Variants in PAQR8 observed in about 807,000 individuals in gnomAD.
The protein encoded by PAQR8 is membrane progestin receptor beta.
A neutral mutation model predicts 25.2 loss-of-function variants in PAQR8; 17 were observed. The ratio of observed to expected loss-of-function variants is 0.67; its 90% CI spans 0.46 to 1.01. The LOEUF (loss-of-function observed/expected upper bound fraction) is 1.01, where lower values mean the gene tolerates loss of function less well. Ranked by LOEUF, PAQR8 falls within the 50% of genes least tolerant of loss-of-function variation. PAQR8 has a pLI of 0.00. For missense variants in PAQR8, 392 were observed against 448.4 expected (o/e 0.87, Z 1.14); for synonymous variants, 204 against 190.6 (o/e 1.07, Z -0.58).
intron 1 of PAQR8, among the ~76,000 whole-genome samples, chr6:52,366,727 T>G (rs1310406713): frequency 1.3e-5 from 2 of 152,166 alleles, no homozygotes; most frequent in Non-Finnish European, 2.9e-5. Flanking sequence ...GGAAACAATA[T>G]ACATTGTGGC....
intron 1 of PAQR8, among the ~76,000 whole-genome samples, chr6:52,397,620 C>T (rs1040912684): frequency 6.6e-6 from 1 of 152,182 alleles, no homozygotes; most frequent in African/African-American, 2.4e-5. Flanking sequence ...ATAATCCTTG[C>T]TCTGAAAAAG....
At chr6:52,398,027 TTAA>T (rs1763786423) in intron 1 of PAQR8, among the ~76,000 whole-genome samples, 1 of 152,090 alleles carries the variant, frequency 6.6e-6, no homozygotes, top group South Asian at 2.1e-4. Flanking sequence ...GTTTCTGAAG[TTAA>T]TGATGATAAA....
intron 1 of PAQR8, among the ~76,000 whole-genome samples, chr6:52,366,565 G>A (rs1462095828): frequency 6.6e-6 from 1 of 152,154 alleles, no homozygotes; most frequent in Non-Finnish European, 1.5e-5. Flanking sequence ...GTACTCAGAG[G>A]CCATAAAAGG....
At chr6:52,397,146 A>G (rs544228356) in intron 1 of PAQR8, among the ~76,000 whole-genome samples, 39 of 152,282 alleles carry the variant, frequency 2.6e-4, no homozygotes, top group African/African-American at 7.9e-4. Flanking sequence ...CAGGAGAGAT[A>G]AGCATTAAAA....
chr6:52,366,518 G>T (rs1470179801), intron 1 of PAQR8, among the ~76,000 whole-genome samples: 1 of 152,154 alleles, frequency 6.6e-6, no homozygotes. Context: ...TCATATTTTT[G>T]AGGTGGATTA....
At chr6:52,365,590 T>C (rs1763342782) in intron 1 of PAQR8, among the ~76,000 whole-genome samples, 1 of 152,208 alleles carries the variant, frequency 6.6e-6, no homozygotes, top group African/African-American at 2.4e-5. Flanking sequence ...GATAGTCTTA[T>C]GTTAAAATTC....
intron 1 of PAQR8, among the ~76,000 whole-genome samples, chr6:52,394,699 A>C (rs1763746308): frequency 6.6e-6 from 1 of 152,184 alleles, no homozygotes. Flanking sequence ...GTGTAGGCTA[A>C]GAGTGGTTAC....
chr6:52,365,902 A>G (rs1487122899), intron 1 of PAQR8, among the ~76,000 whole-genome samples: 1 of 152,108 alleles, frequency 6.6e-6, no homozygotes, highest in East Asian at 1.9e-4. Context: ...TGGTGTGGTA[A>G]GGCAAATCTG....
chr6:52,368,978 C>T (rs962915824), intron 1 of PAQR8, among the ~76,000 whole-genome samples: 3 of 152,110 alleles, frequency 2.0e-5, no homozygotes, highest in African/African-American at 7.2e-5. Flanking sequence ...TTGCTTGGCA[C>T]TCATTCTCTC....
At chr6:52,365,395 G>A (rs1763340534) in intron 1 of PAQR8, among the ~76,000 whole-genome samples, 3 of 151,962 alleles carry the variant, frequency 2.0e-5, no homozygotes, top group Non-Finnish European at 4.4e-5. Context: ...TGTGGTTTGG[G>A]GCAAGTTGTT....
At position 52,362,318 on chromosome 6, in the gene PAQR8, C is replaced by T. The variant is rs1408737008; in HGVS notation, c.-53+69C>T. ...TTGGGACCGCGAGGTCGGGGAGCCC[C>T]GGGGCCCGAGCTCGGGAGGCGGGGA... On this transcript the variant is annotated intron_variant, in intron 1 of 1. Transcript: ENST00000442253. This position sits in a 1 kb window ranked among gnomAD's most constrained non-coding sequence, Gnocchi z 4.1. The T allele has an allele frequency of 6.6e-6, 1 of 152,178 alleles. No homozygotes were observed. Among genetic ancestry groups the T allele is most frequent in the Admixed American group, 6.5e-5 (1 of 15,274 alleles). The allele number at this position is 152,178 out of a possible 1,614,324, so 9.4% of individuals were successfully genotyped here. A position where few individuals can be genotyped will look rare whatever the true frequency, so the allele number is the denominator to read the frequency against.
At chr6:52,387,901 T>G (rs953104200) in intron 1 of PAQR8, among the ~76,000 whole-genome samples, 1 of 152,264 alleles carries the variant, frequency 6.6e-6, no homozygotes, top group Non-Finnish European at 1.5e-5. Context: ...TATTGTGAAC[T>G]GCACATGCAA....
intron 1 of PAQR8, among the ~76,000 whole-genome samples, chr6:52,389,313 T>G (rs760891129): frequency 2.0e-5 from 3 of 152,244 alleles, no homozygotes; most frequent in Non-Finnish European, 4.4e-5. Flanking sequence ...TTTTGAACAA[T>G]GATCTATTGA....
At chr6:52,374,193 C>T (rs1023445344) in intron 1 of PAQR8, among the ~76,000 whole-genome samples, 1 of 152,216 alleles carries the variant, frequency 6.6e-6, no homozygotes, top group East Asian at 1.9e-4. Context: ...AATTAAACCT[C>T]TTTGCTTTGT....
intron 1 of PAQR8, among the ~76,000 whole-genome samples, chr6:52,396,792 G>A (rs955760613): frequency 3.9e-5 from 6 of 152,196 alleles, no homozygotes; most frequent in Non-Finnish European, 8.8e-5. Context: ...TGTAGGGGAC[G>A]AGTCAAGTCT....
chr6:52,398,178 A>G (rs980178254), intron 1 of PAQR8, among the ~76,000 whole-genome samples: 2 of 148,972 alleles, frequency 1.3e-5, no homozygotes, highest in Non-Finnish European at 3.0e-5. Context: ...TCTGACCACA[A>G]GTTTAGAATT....
intron 1 of PAQR8, among the ~76,000 whole-genome samples, chr6:52,377,224 G>C (rs923434427): frequency 6.6e-6 from 1 of 152,114 alleles, no homozygotes; most frequent in Admixed American, 6.5e-5. Context: ...CTTACTCCTT[G>C]TAATTGCATT....
At position 52,403,185 on chromosome 6, in the gene PAQR8, G is replaced by A. The variant is rs753657226; in HGVS notation, c.-29G>A. Reference sequence around the variant, plus strand: ...AGGTTGCATACCCTGTCCTGAGGGCGCGGCACGGAGTGCATGCGGGCCGCT... The same window carrying A: ...AGGTTGCATACCCTGTCCTGAGGGCACGGCACGGAGTGCATGCGGGCCGCT... On this transcript the variant is annotated 5_prime_UTR_variant, in exon 2 of 2. Coordinates refer to ENST00000442253, the MANE Select transcript of PAQR8 (RefSeq NM_133367.5). 7 of 1,571,214 alleles carry A rather than the reference G, an allele frequency of 4.5e-6. No homozygotes were observed. Among genetic ancestry groups the A allele is most frequent in the Middle Eastern group, 1.8e-4 (1 of 5,480 alleles).
chr6:52,400,315 A>C (rs1763815217), intron 1 of PAQR8, among the ~76,000 whole-genome samples: 1 of 152,238 alleles, frequency 6.6e-6, no homozygotes, highest in African/African-American at 2.4e-5. Flanking sequence ...ATCTCATATC[A>C]GTGATGGTCA....
Sources: allele counts gnomAD v4.1 joint callset (sites outside exome capture counted in the v4.1 genomes callset), GRCh38; gene constraint gnomAD v4.1.1; non-coding constraint Gnocchi (gnomAD v3.1); transcripts MANE v1.5; gene names NCBI Gene and HGNC (gene_info 2026-07-23, HGNC 2026-07-21).